Variants in PCSK2 observed in about 807,000 individuals in gnomAD.
PCSK2 encodes neuroendocrine convertase 2.
A neutral mutation model predicts 69.7 loss-of-function variants in PCSK2; 14 were observed. The observed-to-expected ratio is 0.20, with a 90% CI of 0.13 to 0.31. PCSK2 has a LOEUF of 0.31. PCSK2 is among the 10% of genes least tolerant of loss of function. PCSK2 has a pLI of 1.00. For missense variants in PCSK2, 544 were observed against 842.5 expected (o/e 0.65, Z 4.39); for synonymous variants, 307 against 320.7 (o/e 0.96, Z 0.46).
intron 6 of PCSK2, among the ~76,000 whole-genome samples, chr20:17,423,417 C>G (rs2032175496): frequency 6.6e-6 from 1 of 152,038 alleles, no homozygotes; most frequent in African/African-American, 2.4e-5. Context: ...GTAGATGAAT[C>G]TCCTAAGTGG....
intron 5 of PCSK2, among the ~76,000 whole-genome samples, chr20:17,377,885 T>C (rs1439124273): frequency 6.6e-6 from 1 of 152,242 alleles, no homozygotes; most frequent in East Asian, 1.9e-4. Flanking sequence ...TGAAACTACT[T>C]GTATGGACCT....
At chr20:17,323,252 C>T (rs917146282) in intron 2 of PCSK2, among the ~76,000 whole-genome samples, 1 of 152,092 alleles carries the variant, frequency 6.6e-6, no homozygotes, top group Non-Finnish European at 1.5e-5. Flanking sequence ...CAAATAGTGT[C>T]CTTATAAGAA....
intron 2 of PCSK2, among the ~76,000 whole-genome samples, chr20:17,302,058 T>TA (rs907879987): frequency 1.3e-5 from 2 of 152,072 alleles, no homozygotes; most frequent in Admixed American, 6.6e-5. Context: ...TGTAGGCAAG[T>TA]AAAAAAATCA....
At chr20:17,472,802 G>C (rs771130593) in intron 11 of PCSK2, among the ~76,000 whole-genome samples, 4 of 152,038 alleles carry the variant, frequency 2.6e-5, no homozygotes, top group Non-Finnish European at 4.4e-5. Context: ...CCTGACCTCA[G>C]GTGATCCGCC....
chr20:17,464,656 T>A (rs1286796068), intron 10 of PCSK2: 1 of 152,486 alleles, frequency 6.6e-6, no homozygotes, highest in Non-Finnish European at 1.5e-5. Context: ...TCATACTTTA[T>A]GGTCTCTTTT....
chr20:17,271,704 C>A (rs58769328), intron 2 of PCSK2, among the ~76,000 whole-genome samples: 13,706 of 152,104 alleles, frequency 0.09, 718 homozygotes, highest in East Asian at 0.2. Context: ...CAATAATGGA[C>A]GCCCTGGTTG....
intron 5 of PCSK2, among the ~76,000 whole-genome samples, chr20:17,379,235 G>A (rs1412697699): frequency 1.3e-5 from 2 of 152,170 alleles, no homozygotes; most frequent in Non-Finnish European, 2.9e-5. Flanking sequence ...ACAGCAAAAT[G>A]GGCAGTCATC....
chr20:17,333,279 T>C (rs972372715), intron 2 of PCSK2, among the ~76,000 whole-genome samples: 7 of 152,198 alleles, frequency 4.6e-5, no homozygotes, highest in African/African-American at 1.7e-4. Context: ...ATGAAGAGTA[T>C]GTAGGAATTC....
intron 5 of PCSK2, among the ~76,000 whole-genome samples, chr20:17,377,569 T>C (rs530902586): frequency 6.6e-6 from 1 of 152,370 alleles, no homozygotes; most frequent in Admixed American, 6.5e-5. Context: ...TTTAGGCCTA[T>C]GAATATTTAA....
chr20:17,288,090 T>A (rs938280033), intron 2 of PCSK2, among the ~76,000 whole-genome samples: 4 of 152,138 alleles, frequency 2.6e-5, no homozygotes, highest in Non-Finnish European at 5.9e-5. Context: ...CCTTCCCCAC[T>A]TCCCATTCTA....
At chr20:17,329,595 A>G (rs1242741916) in intron 2 of PCSK2, among the ~76,000 whole-genome samples, 1 of 152,246 alleles carries the variant, frequency 6.6e-6, no homozygotes, top group Non-Finnish European at 1.5e-5. Flanking sequence ...GACGGTCACC[A>G]AGTTTAAAAA....
chr20:17,270,857 T>TA (rs1453119946), intron 2 of PCSK2, among the ~76,000 whole-genome samples: 1 of 152,142 alleles, frequency 6.6e-6, no homozygotes, highest in African/African-American at 2.4e-5. Flanking sequence ...TTCCAATACT[T>TA]ACACTGACAC....
chr20:17,429,215 C>T (rs1301460948), intron 6 of PCSK2, among the ~76,000 whole-genome samples: 2 of 151,950 alleles, frequency 1.3e-5, no homozygotes, highest in South Asian at 2.1e-4. Flanking sequence ...CAAAATGGGG[C>T]GCTTTACAGA....
chr20:17,354,324 G>A (rs1375869788), intron 2 of PCSK2, among the ~76,000 whole-genome samples: 1 of 152,164 alleles, frequency 6.6e-6, no homozygotes, highest in Non-Finnish European at 1.5e-5. Context: ...TATTTTCTGA[G>A]AAGGGGAATA....
chr20:17,346,619 C>T (rs1053502994), intron 2 of PCSK2, among the ~76,000 whole-genome samples: 3 of 152,172 alleles, frequency 2.0e-5, no homozygotes, highest in African/African-American at 7.2e-5. Flanking sequence ...AGGAGACACT[C>T]ATTGAGAGGA....
chr20:17,410,429 T>C lies in PCSK2; in HGVS notation c.620+1090T>C, dbSNP rs575882008. The stretch of plus-strand genomic sequence containing the variant: ...GATTCTGTCTCTAAAGTTAGCAAGT[T>C]GACCTGAGACCCCTCAGTCTCATCA... On this transcript the variant is annotated intron_variant, in intron 6 of 11. Coordinates refer to ENST00000262545, the MANE Select transcript of PCSK2 (RefSeq NM_002594.5). Among the ~76,000 whole-genome samples the C allele has an allele frequency of 1.1e-4, 16 of 152,308 alleles. No homozygotes were observed. The South Asian group carries it at 3.3e-3, about 32-fold the overall frequency.
intron 10 of PCSK2, among the ~76,000 whole-genome samples, chr20:17,457,487 A>G (rs564711741): frequency 3.3e-5 from 5 of 152,346 alleles, no homozygotes; most frequent in Non-Finnish European, 7.3e-5. Flanking sequence ...TTTACAGATA[A>G]GACCCCAAAT....
intron 3 of PCSK2, among the ~76,000 whole-genome samples, chr20:17,359,974 T>C (rs2030334772): frequency 6.6e-6 from 1 of 152,212 alleles, no homozygotes; most frequent in African/African-American, 2.4e-5. Context: ...GAACATGCAC[T>C]AAAGGTGAGC....
At chr20:17,239,805 T>C (rs1986490471) in intron 1 of PCSK2, among the ~76,000 whole-genome samples, 1 of 147,728 alleles carries the variant, frequency 6.8e-6, no homozygotes, top group Non-Finnish European at 1.5e-5. Context: ...ATGATTCCAA[T>C]AGATAGATGA....
Sources: allele counts gnomAD v4.1 joint callset (sites outside exome capture counted in the v4.1 genomes callset), GRCh38; gene constraint gnomAD v4.1.1; transcripts MANE v1.5; gene names NCBI Gene and HGNC (gene_info 2026-07-23, HGNC 2026-07-21).